BTF3: variants seen among roughly 807,000 people sequenced by gnomAD.
BTF3 encodes basic transcription factor 3, also known as transcription factor BTF3.
A neutral mutation model predicts 23.9 loss-of-function variants in BTF3; 12 were observed. The ratio of observed to expected loss-of-function variants is 0.50; its 90% confidence interval spans 0.32 to 0.81. BTF3 has a LOEUF of 0.81. Ranked by LOEUF, BTF3 falls within the 40% of genes least tolerant of loss-of-function variation. BTF3 has a pLI of 0.03. For synonymous variants in BTF3, 96 were observed against 94.8 expected, an observed-to-expected ratio of 1.01 and a Z score of -0.07; for missense variants, 215 against 255.9, an observed-to-expected ratio of 0.84 and a Z score of 1.09.
chr5:73,499,316 G>A, intron 2 of BTF3, 114 bp downstream of exon 2: 1 of 1,133,128 alleles, frequency 8.8e-7, no homozygotes, highest in Non-Finnish European at 1.3e-6. Flanking sequence ...CCTATCGAGG[G>A]AAATTCACGG....
chr5:73,505,472 A>G lies in BTF3; in HGVS notation c.*234A>G, dbSNP rs2111966805. On this transcript the variant is annotated 3_prime_UTR_variant, in exon 6 of 6. Coordinates refer to ENST00000380591, the MANE Select transcript of BTF3 (RefSeq NM_001037637.2). ...CCTGGGAATCAAGTTTGAAACAAAG[A>G]TTAATAAAGTTCTTTGCCTAGTATA... 1 of 427,210 alleles carries G rather than the reference A, an allele frequency of 2.3e-6. No homozygotes were observed. The highest frequency in any genetic ancestry group is 2.1e-5 in the African/African-American group (1 of 48,598). The allele number at this position is 427,210 out of a possible 1,614,324, so 26.5% of individuals were successfully genotyped here.
chr5:73,505,267 G>A lies in BTF3; in HGVS notation c.*29G>A, dbSNP rs545142219. The stretch of plus-strand genomic sequence containing the variant: ...GAGTCAACTTCTGAAGATAAAACCT[G>A]AAGAAGTTACTGGGAGCTGCTATTT... On this transcript the variant is annotated 3_prime_UTR_variant, in exon 6 of 6. Transcript: ENST00000380591. The A allele has an allele frequency of 6.7e-4, 1,073 of 1,599,410 alleles. 10 individuals carry two copies. The South Asian group carries it at 0.011, about 17-fold the overall frequency.
intron 2 of BTF3, chr5:73,499,454 AG>A: frequency 3.6e-6 from 2 of 559,260 alleles, no homozygotes; most frequent in African/African-American, 3.8e-5. Context: ...AGAACACAAA[AG>A]TGTTTCCTAA....
Position 73,502,476 on chromosome 5 carries a change from C to A in BTF3, c.202-12C>A. The A allele has an allele frequency of 1.3e-6, 2 of 1,575,594 alleles. No individual in the cohort carries two copies. The highest frequency in any genetic ancestry group is 2.2e-5 in the East Asian group (1 of 44,610). On this transcript the variant is annotated splice_polypyrimidine_tract_variant and intron_variant, in intron 2 of 5. Coordinates refer to ENST00000380591, the MANE Select transcript of BTF3 (RefSeq NM_001037637.2). ...AATGTGCTGTTTTCTTTCCTCTTCT[C>A]CCTGACTTTAGGGAACTGCTCGCAG...
chr5:73,498,698 G>C lies in BTF3; in HGVS notation c.31G>C (p.Asp11His). 1 of 1,499,666 alleles carries C rather than the reference G, an allele frequency of 6.7e-7. No homozygotes were observed. The highest frequency in any genetic ancestry group is 8.8e-7 in the Non-Finnish European group (1 of 1,132,648). The allele number at this position is 1,499,666 out of a possible 1,614,324, so 92.9% of individuals were successfully genotyped here. The change falls in exon 1 of 6, where the codon GAC (aspartate) becomes CAC (histidine). Residue 11 changes from aspartate (D) to histidine (H), a missense_variant. Physicochemically the swap from Asp to His is moderately conservative, Grantham distance 81. This residue lies in a region of BTF3 where 116 missense variants were observed against 84.7 expected (regional missense o/e 1.37). Coordinates refer to ENST00000380591, the MANE Select transcript of BTF3 (RefSeq NM_001037637.2). MRRTGAPAQA[D>H]SRGRGRARGG... ...ACGGACAGGCGCACCCGCTCAGGCT[G>C]ACTCTCGGGGGCGAGGTCGAGCCAG... is the stretch of plus-strand genomic sequence containing the variant.
intron 4 of BTF3, among the ~76,000 whole-genome samples, chr5:73,504,052 TAA>T (rs1746499012): frequency 6.6e-6 from 1 of 152,184 alleles, no homozygotes; most frequent in African/African-American, 2.4e-5. Flanking sequence ...ACCTGCACTC[TAA>T]GAGTTCCCTA....
At chr5:73,505,100 A>C in intron 5 of BTF3, 92 bp from the exon 6 acceptor site, 1 of 1,061,002 alleles carries the variant, frequency 9.4e-7, no homozygotes. Context: ...ATCATTGGCA[A>C]ATGAATGTCT....
At chr5:73,502,711 C>A (rs1746467208) in intron 3 of BTF3, 110 bp downstream of exon 3, 4 of 855,810 alleles carry the variant, frequency 4.7e-6, no homozygotes, top group Non-Finnish European at 7.1e-6. Context: ...ACTTCAAAGT[C>A]CCTAAGATGT....
intron 5 of BTF3, 26 bp downstream of exon 5, chr5:73,504,429 C>T (rs1440749509): frequency 1.3e-6 from 2 of 1,578,552 alleles, no homozygotes; most frequent in East Asian, 2.3e-5. Flanking sequence ...TGTGGTTAAC[C>T]TAGAGAATCT....
intron 2 of BTF3, among the ~76,000 whole-genome samples, chr5:73,499,928 A>G (rs1384452263): frequency 2.0e-5 from 3 of 152,228 alleles, no homozygotes; most frequent in Non-Finnish European, 1.5e-5. Flanking sequence ...TTGTTAGCAC[A>G]TTCTTAGTAT....
At chr5:73,499,267 T>C (rs774995808) in intron 2 of BTF3, 65 bp downstream of exon 2, 1 of 1,521,822 alleles carries the variant, frequency 6.6e-7, no homozygotes, top group Non-Finnish European at 9.1e-7. Context: ...AAAAAACATA[T>C]TCCTTTTGCG....
At position 73,504,410 on chromosome 5, in the gene BTF3, A is replaced by C; in HGVS notation, c.574+7A>C. 6.2e-7 allele frequency: 1 copy of C among 1,600,942 alleles called. No homozygotes were observed. Among genetic ancestry groups the C allele is most frequent in the Non-Finnish European group, 8.5e-7 (1 of 1,174,006 alleles). On this transcript the variant is annotated splice_region_variant and intron_variant, in intron 5 of 5. Transcript: ENST00000380591. ...GATGATGATGAAGTTCCAGGTAGGA[A>C]CGTTTACTTGTGGTTAACCTAGAGA... is the stretch of plus-strand genomic sequence containing the variant.
intron 4 of BTF3, among the ~76,000 whole-genome samples, chr5:73,503,608 G>C (rs1746489567): frequency 6.6e-6 from 1 of 152,220 alleles, no homozygotes; most frequent in African/African-American, 2.4e-5. Flanking sequence ...ATGTGGCAGT[G>C]TTATGCTGTT....
At chr5:73,499,077 C>T (rs1486738243) in intron 1 of BTF3, 57 bp from the exon 2 acceptor site, 22 of 1,511,868 alleles carry the variant, frequency 1.5e-5, no homozygotes, top group African/African-American at 1.4e-5. Context: ...AAATAACGAG[C>T]ATGGAATGCT....
At position 73,498,773 on chromosome 5, in the gene BTF3, G is replaced by C; in HGVS notation, c.106G>C (p.Gly36Arg). Residue 36 changes from glycine to arginine, a missense_variant, in exon 1 of 6, where the codon GGC becomes CGC. Transcript: ENST00000380591. ...GACGCTGTCTCAACCTCCACCTCGC[G>C]GCGGAACCCGAGGACAGGAGCCTCA... ...EATLSQPPPR[G>R]GTRGQEPQMK... is the part of the protein sequence containing the mutation. 6.6e-7 allele frequency: 1 copy of C among 1,505,414 alleles called. No homozygotes were observed. The highest frequency in any genetic ancestry group is 8.8e-7 in the Non-Finnish European group (1 of 1,136,562). 93.3% of individuals were successfully genotyped at this position (1,505,414 alleles called of 1,614,324 possible).
At chr5:73,500,767 G>T (rs1219697418) in intron 2 of BTF3, among the ~76,000 whole-genome samples, 1 of 152,114 alleles carries the variant, frequency 6.6e-6, no homozygotes, top group Non-Finnish European at 1.5e-5. Context: ...CTCTACATAT[G>T]TGAAGTGTAT....
chr5:73,498,706 G>T lies in BTF3; in HGVS notation c.39G>T (p.Arg13=). 6.7e-7 allele frequency: 1 copy of T among 1,494,656 alleles called. No individual in the cohort carries two copies. 92.6% of individuals were successfully genotyped at this position (1,494,656 alleles called of 1,614,324 possible). A position where few individuals can be genotyped will look rare whatever the true frequency, so the allele number is the denominator to read the frequency against. ...GCGCACCCGCTCAGGCTGACTCTCG[G>T]GGGCGAGGTCGAGCCAGGGGCGGCT... ...RTGAPAQADS[R]GRGRARGGCP... Residue 13 remains arginine (R), a synonymous_variant, in exon 1 of 6, where the codon CGG becomes CGT. Transcript: ENST00000380591.
In BTF3 at chr5:73,498,694, G is replaced by C. The variant is rs916583663; in HGVS notation, c.27G>C (p.Gln9His). Residue 9 changes from glutamine to histidine, a missense_variant, in exon 1 of 6, where the codon CAG (glutamine) becomes CAC (histidine). Gln to His is a conservative substitution (Grantham distance 24). Around this residue, in one of 2 missense-constraint regions of BTF3, gnomAD observed 116 missense variants for 84.7 expected, o/e 1.37. Transcript: ENST00000380591. The part of the protein sequence containing the change: MRRTGAPA[Q>H]ADSRGRGRAR... The stretch of plus-strand genomic sequence containing the variant: ...TGCGACGGACAGGCGCACCCGCTCA[G>C]GCTGACTCTCGGGGGCGAGGTCGAG... The C allele has an allele frequency of 1.3e-6, 2 of 1,501,852 alleles. No individual in the cohort carries two copies. The highest frequency in any genetic ancestry group is 4.9e-5 in the Admixed American group (2 of 40,564). The allele number at this position is 1,501,852 out of a possible 1,614,324, so 93.0% of individuals were successfully genotyped here. A position where few individuals can be genotyped will look rare whatever the true frequency, so the allele number is the denominator to read the frequency against.
chr5:73,503,175 A>C (rs1432944373), intron 4 of BTF3, 58 bp downstream of exon 4: 3 of 1,561,742 alleles, frequency 1.9e-6, no homozygotes, highest in Non-Finnish European at 2.6e-6. Context: ...CTGATTTCTG[A>C]TCTCAGGGCT....
Sources: gnomAD v4.1 joint callset for allele counts (sites outside exome capture counted in the v4.1 genomes callset) on GRCh38, gnomAD v4.1.1 for gene constraint, gnomAD v4.1.1 regional missense constraint, MANE v1.5 for transcripts, NCBI Gene and HGNC (gene_info 2026-07-23, HGNC 2026-07-21) for gene names.